LSAMP: variants seen among roughly 807,000 people sequenced by gnomAD.
LSAMP encodes the protein limbic system associated membrane protein.
Under a neutral mutation model 38.6 loss-of-function variants are expected in LSAMP, and 7 were observed. The ratio of observed to expected loss-of-function variants is 0.18; its 90% confidence interval spans 0.10 to 0.34. The LOEUF is 0.34. Among genes scored for constraint, LSAMP ranks in the 10% least tolerant of loss-of-function variants. LSAMP has a pLI of 1.00. For missense variants in LSAMP, 313 were observed against 420.0 expected, an observed-to-expected ratio of 0.75 and a Z score of 2.23; for synonymous variants, 154 against 166.8, an observed-to-expected ratio of 0.92 and a Z score of 0.59.
intron 1 of LSAMP, among the ~76,000 whole-genome samples, chr3:116,235,525 C>T (rs1174207419): frequency 6.6e-6 from 1 of 152,000 alleles, no homozygotes; most frequent in Non-Finnish European, 1.5e-5. Flanking sequence ...GATAGAGATA[C>T]GATGCTCTAA....
At chr3:116,095,294 C>T (rs529817412) in intron 1 of LSAMP, among the ~76,000 whole-genome samples, 2 of 152,300 alleles carry the variant, frequency 1.3e-5, no homozygotes, top group African/African-American at 2.4e-5. Context: ...AGACAAGCTG[C>T]GCAATTTCTG....
chr3:115,947,208 T>A (rs541536382), intron 3 of LSAMP, among the ~76,000 whole-genome samples: 1 of 152,252 alleles, frequency 6.6e-6, no homozygotes, highest in East Asian at 1.9e-4. Flanking sequence ...GATTATGAAG[T>A]ATTGAAAGTT....
intron 1 of LSAMP, among the ~76,000 whole-genome samples, chr3:116,280,615 C>A (rs1467307685): frequency 2.0e-5 from 3 of 152,178 alleles, no homozygotes; most frequent in Non-Finnish European, 4.4e-5. Flanking sequence ...GGTTTCTGAA[C>A]AAACTTTCAT....
intron 2 of LSAMP, among the ~76,000 whole-genome samples, chr3:116,074,044 A>G (rs1337253054): frequency 2.0e-5 from 3 of 152,212 alleles, no homozygotes; most frequent in Non-Finnish European, 4.4e-5. Context: ...TGAAACATCA[A>G]TGATACAACC....
At chr3:116,426,504 C>T (rs941016961) in intron 1 of LSAMP, among the ~76,000 whole-genome samples, 2 of 149,124 alleles carry the variant, frequency 1.3e-5, no homozygotes, top group Non-Finnish European at 3.0e-5. Flanking sequence ...ATGAAAAGAC[C>T]GAGGTTGGTA....
intron 3 of LSAMP, among the ~76,000 whole-genome samples, chr3:115,919,782 T>C (rs1041624812): frequency 2.0e-5 from 3 of 152,148 alleles, no homozygotes; most frequent in Non-Finnish European, 4.4e-5. Context: ...TGACTAATTT[T>C]TGTATTTTTA....
chr3:115,985,287 T>A (rs1215617839), intron 3 of LSAMP, among the ~76,000 whole-genome samples: 1 of 152,144 alleles, frequency 6.6e-6, no homozygotes, highest in Admixed American at 6.6e-5. Context: ...ATTGGCTTAG[T>A]GGTTAATTAG....
In LSAMP at chr3:115,822,686, A is replaced by G. The variant is rs371432096; in HGVS notation, c.920-12272T>C. ...TCCTATTTTCTTAGTTAATAGGTGG[A>G]CCATTGCCCTCATGACTAAGAGTAT... On this transcript the variant is annotated intron_variant, in intron 6 of 6. Coordinates refer to ENST00000490035, the MANE Select transcript of LSAMP (RefSeq NM_002338.5). Among the ~76,000 whole-genome samples, 5 of 152,256 alleles carry G rather than the reference A, an allele frequency of 3.3e-5. No individual in the cohort carries two copies. In the South Asian group the frequency reaches 6.2e-4, roughly 19 times the overall value.
At chr3:115,959,638 G>C (rs903657677) in intron 3 of LSAMP, among the ~76,000 whole-genome samples, 31 of 152,144 alleles carry the variant, frequency 2.0e-4, no homozygotes, top group African/African-American at 7.5e-4. Flanking sequence ...TAGCCTCCCT[G>C]TGCTTCAGTT....
At chr3:116,276,747 C>A (rs1347370807) in intron 1 of LSAMP, among the ~76,000 whole-genome samples, 3 of 150,958 alleles carry the variant, frequency 2.0e-5, no homozygotes, top group African/African-American at 7.3e-5. Context: ...TTGAAGTCTG[C>A]AAAGAAAACC....
intron 6 of LSAMP, 98 bp downstream of exon 6, chr3:115,841,747 T>A (rs1425805739): frequency 4.2e-6 from 6 of 1,433,352 alleles, no homozygotes; most frequent in Non-Finnish European, 5.6e-6. Context: ...TATTTGTTTT[T>A]AAGTGAACTT....
At chr3:115,900,183 C>T (rs1015984488) in intron 3 of LSAMP, among the ~76,000 whole-genome samples, 1 of 152,114 alleles carries the variant, frequency 6.6e-6, no homozygotes, top group Non-Finnish European at 1.5e-5. Context: ...GATGAAGAAA[C>T]TGGGGCAGGA....
chr3:116,052,463 TCG>T (rs1941413856), intron 2 of LSAMP, among the ~76,000 whole-genome samples: 1 of 152,176 alleles, frequency 6.6e-6, no homozygotes, highest in South Asian at 2.1e-4. Context: ...AAGAAGACAA[TCG>T]TATAAAATTT....
chr3:116,035,738 G>A (rs2107710180), intron 2 of LSAMP, among the ~76,000 whole-genome samples: 1 of 152,230 alleles, frequency 6.6e-6, no homozygotes, highest in South Asian at 2.1e-4. Context: ...CTGGAAAAAT[G>A]AATGTGTGTG....
chr3:116,141,413 C>A (rs1202369518), intron 1 of LSAMP, among the ~76,000 whole-genome samples: 2 of 104,010 alleles, frequency 1.9e-5, no homozygotes, highest in Non-Finnish European at 4.6e-5. Context: ...TGTAATTATA[C>A]CTAGAAAAAA....
intron 2 of LSAMP, among the ~76,000 whole-genome samples, chr3:116,047,464 G>C (rs1027616414): frequency 4.6e-5 from 7 of 150,854 alleles, no homozygotes; most frequent in South Asian, 2.1e-4. Context: ...TTCTGGACTC[G>C]ACCAATTTTT....
intron 3 of LSAMP, among the ~76,000 whole-genome samples, chr3:115,982,422 G>C (rs1167979109): frequency 6.6e-6 from 1 of 152,134 alleles, no homozygotes; most frequent in Non-Finnish European, 1.5e-5. Context: ...AGTCTCATAA[G>C]ATACAGATTC....
At chr3:116,388,542 A>G (rs1441923755) in intron 1 of LSAMP, among the ~76,000 whole-genome samples, 2 of 152,202 alleles carry the variant, frequency 1.3e-5, no homozygotes, top group African/African-American at 4.8e-5. Context: ...AAATGCCAAC[A>G]GAAAGCTCTG....
chr3:115,808,804 A>T lies in LSAMP; in HGVS notation c.*1513T>A, dbSNP rs1024311462. On this transcript the variant is annotated 3_prime_UTR_variant, in exon 7 of 7. Coordinates refer to ENST00000490035, the MANE Select transcript of LSAMP (RefSeq NM_002338.5). ...GAGCACAAGGAGTGAACTGCTTTTC[A>T]TTATGGCCAGTGCTCTGTATTAGAG... 1.3e-5 allele frequency: 2 copies of T among 152,208 alleles called. No individual in the cohort carries two copies. Among genetic ancestry groups the T allele is most frequent in the Non-Finnish European group, 2.9e-5 (2 of 68,038 alleles). The allele number at this position is 152,208 out of a possible 1,614,324, so 9.4% of individuals were successfully genotyped here. A position where few individuals can be genotyped will look rare whatever the true frequency, so the allele number is the denominator to read the frequency against.
Sources: allele counts gnomAD v4.1 joint callset (sites outside exome capture counted in the v4.1 genomes callset), GRCh38; gene constraint gnomAD v4.1.1; transcripts MANE v1.5; gene names NCBI Gene and HGNC (gene_info 2026-07-23, HGNC 2026-07-21).